PUS7: variants seen among roughly 807,000 people sequenced by gnomAD.
PUS7 encodes the protein pseudouridylate synthase 7 homolog.
A neutral mutation model predicts 79.8 loss-of-function variants in PUS7; 48 were observed. The observed-to-expected ratio is 0.60, with a 90% CI of 0.48 to 0.76. PUS7 has a LOEUF of 0.76. PUS7 is among the 30% of genes least tolerant of loss of function. The probability of loss-of-function intolerance (pLI) is 0.00; values close to 1 mark genes in which losing one functional copy is unlikely to be tolerated. For missense variants in PUS7, 729 were observed against 797.6 expected (o/e 0.91, Z 1.04); for synonymous variants, 286 against 272.2 (o/e 1.05, Z -0.50).
At chr7:105,458,578 T>C (rs1246243227) in intron 15 of PUS7, among the ~76,000 whole-genome samples, 2 of 150,300 alleles carry the variant, frequency 1.3e-5, no homozygotes, top group Non-Finnish European at 3.0e-5. Context: ...CCAATTTTTT[T>C]TTTTTTTTTT....
At chr7:105,520,644 C>T (rs908916183) in intron 1 of PUS7, among the ~76,000 whole-genome samples, 5 of 152,178 alleles carry the variant, frequency 3.3e-5, no homozygotes, top group African/African-American at 1.2e-4. Context: ...ATCGCTTGAA[C>T]CCAGGAGGCT....
At chr7:105,471,367 T>C (rs983008389) in intron 10 of PUS7, among the ~76,000 whole-genome samples, 3 of 152,238 alleles carry the variant, frequency 2.0e-5, no homozygotes, top group Non-Finnish European at 4.4e-5. Flanking sequence ...AGTTTTTATA[T>C]TCCATTACAC....
At chr7:105,495,082 A>G (rs1384524034) in intron 6 of PUS7, 60 bp downstream of exon 6, 3 of 961,966 alleles carry the variant, frequency 3.1e-6, no homozygotes, top group African/African-American at 1.7e-5. Context: ...ATTAGCATGG[A>G]AAAAGGAATA....
At chr7:105,515,785 AT>A (rs1351133206) in intron 1 of PUS7, among the ~76,000 whole-genome samples, 8 of 9,152 alleles carry the variant, frequency 8.7e-4, no homozygotes, top group Non-Finnish European at 1.3e-3. Context: ...TTTGTATTTT[AT>A]TTTATTTTAT....
At position 105,457,799 on chromosome 7, in the gene PUS7, C is replaced by T; in HGVS notation, c.1977G>A (p.Trp659Ter). ...GTGGACAAGGTACTGCTCAGCGAAGCCAGGTTGTATTCAGCTGCGTCTGGT... is the reference window on the plus strand; with the variant it reads ...GTGGACAAGGTACTGCTCAGCGAAGTCAGGTTGTATTCAGCTGCGTCTGGT... ...IKNQTQLNTT[W>*]LR is the part of the protein sequence containing the mutation. Residue 659 changes from tryptophan (W) to a stop codon, truncating the protein, a stop_gained, in exon 16 of 16, where the codon TGG (tryptophan) becomes TGA (stop). Coordinates refer to ENST00000469408, the MANE Select transcript of PUS7 (RefSeq NM_019042.5). LOFTEE classifies it high-confidence loss of function. 1.9e-6 allele frequency: 3 copies of T among 1,613,844 alleles called. No individual in the cohort carries two copies. The highest frequency in any genetic ancestry group is 1.1e-5 in the South Asian group (1 of 91,040).
intron 14 of PUS7, among the ~76,000 whole-genome samples, chr7:105,459,942 C>A (rs1823347983): frequency 4.6e-5 from 7 of 151,968 alleles, no homozygotes. Flanking sequence ...GTACAACTGA[C>A]AAATCTTTTT....
chr7:105,492,218 T>C (rs1359336128), intron 6 of PUS7, among the ~76,000 whole-genome samples: 4 of 152,104 alleles, frequency 2.6e-5, no homozygotes, highest in South Asian at 2.1e-4. Flanking sequence ...CAGTGCGCTA[T>C]GATGGTGCCT....
At chr7:105,470,180 T>G (rs1247464815) in intron 11 of PUS7, 2 of 151,790 alleles carry the variant, frequency 1.3e-5, no homozygotes, top group African/African-American at 2.4e-5. Flanking sequence ...GGCTTAAGGG[T>G]TAAACTTTAA....
chr7:105,467,391 G>A (rs868716725), intron 12 of PUS7, among the ~76,000 whole-genome samples: 8 of 151,038 alleles, frequency 5.3e-5, no homozygotes, highest in South Asian at 2.1e-4. Context: ...CCGGGTTCAC[G>A]CCATTCTCCT....
chr7:105,468,358 CT>C lies in PUS7; in HGVS notation c.1503del (p.Asp503ThrfsTer26). 2 of 1,613,326 alleles carry C rather than the reference CT, an allele frequency of 1.2e-6. No homozygotes were observed. Among genetic ancestry groups the C allele is most frequent in the Non-Finnish European group, 1.7e-6 (2 of 1,179,738 alleles). Reference sequence around the variant, plus strand: ...TTACCTCCTTTGAGAACGAGGTCCCCTGGAACAGGTTTTAGTCCATAGTCTT... The same window carrying C: ...TTACCTCCTTTGAGAACGAGGTCCCCGGAACAGGTTTTAGTCCATAGTCTT... ...RIEDYGLKPVPGDLVLKGATA... is the reference protein window; with the variant it reads ...RIEDYGLKPVXGDLVLKGATA... On this transcript the variant is annotated frameshift_variant, in exon 12 of 16. Coordinates refer to ENST00000469408, the MANE Select transcript of PUS7 (RefSeq NM_019042.5). LOFTEE classifies it high-confidence loss of function.
At position 105,506,056 on chromosome 7, in the gene PUS7, C is replaced by G. The variant is rs767648542; in HGVS notation, c.484G>C (p.Asp162His). The G allele has an allele frequency of 1.9e-6, 3 of 1,610,222 alleles. No individual in the cohort carries two copies. Among genetic ancestry groups the G allele is most frequent in the Non-Finnish European group, 2.5e-6 (3 of 1,178,174 alleles). ...NDLSIPVDEE[D>H]PSEDIFTVLT... ...ACTGTAAATATGTCTTCTGAAGGGTCCTTTAAAATAACCATGAGAACTCAC... is the reference window on the plus strand; with the variant it reads ...ACTGTAAATATGTCTTCTGAAGGGTGCTTTAAAATAACCATGAGAACTCAC... The change falls in exon 4 of 16, where the codon GAC becomes CAC. Residue 162 changes from aspartate (D) to histidine (H), a missense_variant and splice_region_variant. Physicochemically the swap from Asp to His is moderately conservative, Grantham distance 81 (BLOSUM62 -1). Transcript: ENST00000469408.
intron 12 of PUS7, among the ~76,000 whole-genome samples, chr7:105,467,340 A>G (rs916682280): frequency 7.8e-4 from 118 of 151,290 alleles, no homozygotes; most frequent in African/African-American, 2.7e-3. Context: ...CCCAGGCTGG[A>G]ATGCAGTGGT....
At chr7:105,468,212 C>T (rs1402552195) in intron 12 of PUS7, 125 bp downstream of exon 12, 25 of 1,292,008 alleles carry the variant, frequency 1.9e-5, no homozygotes, top group African/African-American at 4.5e-5. Context: ...GGATTATGGG[C>T]GTGTACCACC....
chr7:105,472,432 G>A (rs1823910179), intron 9 of PUS7, among the ~76,000 whole-genome samples: 1 of 152,090 alleles, frequency 6.6e-6, no homozygotes, highest in African/African-American at 2.4e-5. Flanking sequence ...TTATTGTAGA[G>A]ATGGGGTCTC....
rs995883337 is a variant in PUS7 at position 105,489,845 on chromosome 7, G to A, written c.920+1695C>T. Among the ~76,000 whole-genome samples the A allele has an allele frequency of 2.4e-4, 36 of 152,244 alleles. 1 individual carries two copies. The highest frequency in any genetic ancestry group is 8.3e-4 in the South Asian group (4 of 4,820). ...TTCAAAATAAATATATGGGCTGGGC[G>A]TGGTGGCTGATGCCTGTAATCCCAA... On this transcript the variant is annotated intron_variant, in intron 7 of 15. Transcript: ENST00000469408.
chr7:105,508,303 A>G lies in PUS7; in HGVS notation c.210T>C (p.Gly70=), dbSNP rs1490351095. 6.2e-7 allele frequency: 1 copy of G among 1,613,866 alleles called. No homozygotes were observed. The highest frequency in any genetic ancestry group is 8.5e-7 in the Non-Finnish European group (1 of 1,180,008). Residue 70 remains glycine, a synonymous_variant, in exon 2 of 16, where the codon GGT becomes GGC. Coordinates refer to ENST00000469408, the MANE Select transcript of PUS7 (RefSeq NM_019042.5). ...CCAACTGAGCCTCAGAATTCTTTCC[A>G]CCTTTCCCAGTACTGACAGTGTCAG... is the stretch of plus-strand genomic sequence containing the variant. ...RPPDTVSTGK[G]GKNSEAQLED...
At chr7:105,503,970 T>C (rs376766025) in intron 4 of PUS7, among the ~76,000 whole-genome samples, 30 of 151,792 alleles carry the variant, frequency 2.0e-4, no homozygotes, top group African/African-American at 7.2e-4. Flanking sequence ...CTGGTTGAGA[T>C]CCACTACTAA....
chr7:105,482,592 G>A lies in PUS7; in HGVS notation c.921-152C>T, dbSNP rs1234677555. 2.1e-5 allele frequency: 15 copies of A among 721,652 alleles called. 1 individual carries two copies. The highest frequency in any genetic ancestry group is 8.2e-4 in the Middle Eastern group (2 of 2,442). 44.7% of individuals were successfully genotyped at this position (721,652 alleles called of 1,614,324 possible). ...AGGCACTGCAGCAGGTGAGGTGGGC[G>A]TGTCCTTCTCTTCTCTCTGCATTCT... On this transcript the variant is annotated intron_variant, in intron 7 of 15. Coordinates refer to ENST00000469408, the MANE Select transcript of PUS7 (RefSeq NM_019042.5).
intron 14 of PUS7, among the ~76,000 whole-genome samples, chr7:105,459,961 C>T (rs868241838): frequency 6.6e-5 from 10 of 151,874 alleles, no homozygotes; most frequent in Admixed American, 3.9e-4. Context: ...TTTTCTTAGA[C>T]GGAGTCTCGC....
Sources: allele counts gnomAD v4.1 joint callset (sites outside exome capture counted in the v4.1 genomes callset), GRCh38; gene constraint gnomAD v4.1.1; transcripts MANE v1.5; gene names NCBI Gene and HGNC (gene_info 2026-07-23, HGNC 2026-07-21).